SVOPL: variants seen among roughly 807,000 people sequenced by gnomAD.
The protein encoded by SVOPL is SVOP like.
Under a neutral mutation model 61.0 loss-of-function variants are expected in SVOPL, and 60 were observed. The observed-to-expected ratio is 0.98, with a 90% CI of 0.80 to 1.22. The LOEUF is 1.22. Among genes scored for constraint, SVOPL ranks in the 50% most tolerant of loss-of-function variants. The probability of loss-of-function intolerance (pLI) is 0.00; values close to 1 mark genes in which losing one functional copy is unlikely to be tolerated. For synonymous variants in SVOPL, 279 were observed against 250.0 expected (o/e 1.12, Z -1.09); for missense variants, 662 against 643.9 (o/e 1.03, Z -0.30).
At chr7:138,600,191 A>G (rs1385255541) in intron 14 of SVOPL, among the ~76,000 whole-genome samples, 1 of 152,240 alleles carries the variant, frequency 6.6e-6, no homozygotes, top group Non-Finnish European at 1.5e-5. Flanking sequence ...TTAAAAATTT[A>G]ATAAAATATG....
In SVOPL at chr7:138,622,596, C is replaced by A. The variant is rs1189802041; in HGVS notation, c.1264-1461G>T. Among the ~76,000 whole-genome samples, 6 of 152,272 alleles carry A rather than the reference C, an allele frequency of 3.9e-5. No individual in the cohort carries two copies. The East Asian group carries it at 1.2e-3, about 29-fold the overall frequency. On this transcript the variant is annotated intron_variant, in intron 13 of 15. Transcript: ENST00000674285. ...TGTGGGGATTACAGGCGTGAGCCAC[C>A]ATGCCCAGCCCTTTTTAACATTTTA...
intron 14 of SVOPL, among the ~76,000 whole-genome samples, chr7:138,615,280 G>A (rs1325718492): frequency 4.6e-5 from 7 of 152,080 alleles, no homozygotes; most frequent in Non-Finnish European, 8.8e-5. Context: ...TCACAAGGCT[G>A]GGCACGATGG....
At chr7:138,597,705 A>C (rs1256587663) in intron 14 of SVOPL, among the ~76,000 whole-genome samples, 2 of 151,590 alleles carry the variant, frequency 1.3e-5, no homozygotes, top group South Asian at 4.2e-4. Context: ...AGCTCAGAAA[A>C]GGGATAGAAA....
At chr7:138,616,215 G>C (rs1673225) in intron 14 of SVOPL, among the ~76,000 whole-genome samples, 88,044 of 152,124 alleles carry the variant, frequency 0.58, 27,311 homozygotes, top group East Asian at 0.99. Context: ...CCTGAACTAA[G>C]ACACCTAGCT....
At chr7:138,690,483 G>C (rs1326424464) in intron 1 of SVOPL, among the ~76,000 whole-genome samples, 2 of 152,182 alleles carry the variant, frequency 1.3e-5, no homozygotes, top group Non-Finnish European at 2.9e-5. Context: ...ATGGAGTTCT[G>C]ATACTTGCTG....
Position 138,679,036 on chromosome 7 carries a change from T to C in SVOPL, c.10A>G (p.Lys4Glu). 1 of 1,551,426 alleles carries C rather than the reference T, an allele frequency of 6.4e-7. No homozygotes were observed. The highest frequency in any genetic ancestry group is 8.7e-7 in the Non-Finnish European group (1 of 1,146,904). The change falls in exon 2 of 16, where the codon AAG becomes GAG. Residue 4 changes from lysine (K) to glutamate (E), a missense_variant. By Grantham distance (56) the Lys-to-Glu change is moderately conservative. Transcript: ENST00000674285. ...AGGATCGTGACAGGCTCTGTTGGCT[T>C]GGTTGCCATCTTCTAAATAGCTCAA... MAT[K>E]PTEPVTILSL... is the part of the protein sequence containing the mutation.
intron 6 of SVOPL, among the ~76,000 whole-genome samples, chr7:138,659,189 CA>C (rs1338770643): frequency 6.6e-6 from 1 of 152,086 alleles, no homozygotes; most frequent in African/African-American, 2.4e-5. Context: ...CAACCAATGC[CA>C]ATCAGAAAAT....
At chr7:138,670,698 A>G (rs2117106901) in intron 4 of SVOPL, among the ~76,000 whole-genome samples, 1 of 152,284 alleles carries the variant, frequency 6.6e-6, no homozygotes, top group South Asian at 2.1e-4. Context: ...TAGCCACTCT[A>G]TGTCTATTAA....
intron 14 of SVOPL, among the ~76,000 whole-genome samples, chr7:138,604,724 C>T (rs1170301807): frequency 3.1e-5 from 3 of 97,560 alleles, no homozygotes; most frequent in Non-Finnish European, 6.8e-5. Flanking sequence ...ATAATGGAAA[C>T]AATGAACTAT....
At chr7:138,662,979 G>A in intron 5 of SVOPL, 95 bp downstream of exon 5, 1 of 1,580,090 alleles carries the variant, frequency 6.3e-7, no homozygotes, top group Non-Finnish European at 8.6e-7. Context: ...TGGGTATTGG[G>A]AGGGAGATGC....
At chr7:138,629,153 G>GTGTGTGTGTGTGTA (rs10624737) in intron 10 of SVOPL, among the ~76,000 whole-genome samples, 1,579 of 147,352 alleles carry the variant, frequency 0.011, 10 homozygotes, top group Non-Finnish European at 0.014. Context: ...GTGTGTGTGT[G>GTGTGTGTGTGTGTA]TATATATGTA....
chr7:138,644,838 G>A lies in SVOPL; in HGVS notation c.668C>T (p.Pro223Leu). Residue 223 changes from proline (P) to leucine (L), a missense_variant, in exon 9 of 16, where the codon CCT becomes CTT. Physicochemically the swap from Pro to Leu is moderately conservative, Grantham distance 98 (BLOSUM62 -3). Transcript: ENST00000674285. Reference protein sequence around the residue: ...IILIVAFKFIPESARFNVSTG... With the variant: ...IILIVAFKFILESARFNVSTG... The stretch of plus-strand genomic sequence containing the variant: ...GGAGACATTGAACCGGGCAGATTCA[G>A]GAATAAACTGGGTAGAGATTACAAA... 2 of 1,614,140 alleles carry A rather than the reference G, an allele frequency of 1.2e-6. No individual in the cohort carries two copies. The highest frequency in any genetic ancestry group is 1.1e-5 in the South Asian group (1 of 91,084).
At chr7:138,612,963 C>T (rs1399036023) in intron 14 of SVOPL, among the ~76,000 whole-genome samples, 1 of 152,196 alleles carries the variant, frequency 6.6e-6, no homozygotes, top group South Asian at 2.1e-4. Context: ...TATAAGCTTA[C>T]TCTACCCTTT....
Position 138,659,844 on chromosome 7 carries a change from C to T in SVOPL, c.470+20G>A. ...GGGGTACACGTTTCTGTCTCAGGGT[C>T]CCCTGGGTAACATATTTACCCTTGC... On this transcript the variant is annotated intron_variant, in intron 6 of 15. Coordinates refer to ENST00000674285, the MANE Select transcript of SVOPL (RefSeq NM_001139456.2). The T allele has an allele frequency of 1.3e-6, 2 of 1,550,782 alleles. No homozygotes were observed. The highest frequency in any genetic ancestry group is 1.7e-6 in the Non-Finnish European group (2 of 1,146,548).
At chr7:138,656,392 T>G (rs1034638905) in intron 7 of SVOPL, 56 bp downstream of exon 7, 4 of 1,552,824 alleles carry the variant, frequency 2.6e-6, no homozygotes, top group Admixed American at 1.7e-5. Context: ...TATGCCTATA[T>G]GTACATCTTA....
chr7:138,603,944 C>T lies in SVOPL; in HGVS notation c.1354-7414G>A, dbSNP rs886117059. Reference sequence around the variant, plus strand: ...ACAAAATTATTTCTGTCTCAAAAACCTTAATTTATTCTTTTTTTTTTTTTT... The same window carrying T: ...ACAAAATTATTTCTGTCTCAAAAACTTTAATTTATTCTTTTTTTTTTTTTT... On this transcript the variant is annotated intron_variant, in intron 14 of 15. Coordinates refer to ENST00000674285, the MANE Select transcript of SVOPL (RefSeq NM_001139456.2). Among the ~76,000 whole-genome samples, 4 of 149,262 alleles carry T rather than the reference C, an allele frequency of 2.7e-5. No individual in the cohort carries two copies. In the South Asian group the frequency reaches 8.5e-4, roughly 32 times the overall value.
chr7:138,649,325 ACT>A (rs575103016), intron 7 of SVOPL, among the ~76,000 whole-genome samples, 188 bp from the exon 8 acceptor site: 2 of 151,952 alleles, frequency 1.3e-5, no homozygotes, highest in South Asian at 4.2e-4. Flanking sequence ...GACAGGGTCC[ACT>A]CTCTCACCCA....
chr7:138,607,515 G>T (rs997991293), intron 14 of SVOPL, among the ~76,000 whole-genome samples: 4 of 152,176 alleles, frequency 2.6e-5, no homozygotes, highest in Non-Finnish European at 5.9e-5. Flanking sequence ...ACGGCCAGCA[G>T]TCCTTAACGC....
intron 12 of SVOPL, 124 bp from the exon 13 acceptor site, chr7:138,626,174 G>T: frequency 1.1e-6 from 1 of 910,918 alleles, no homozygotes; most frequent in Non-Finnish European, 1.7e-6. Flanking sequence ...CCCGAGGGAG[G>T]TGCTGCTTCT....
Sources: gnomAD v4.1 joint callset for allele counts (sites outside exome capture counted in the v4.1 genomes callset) on GRCh38, gnomAD v4.1.1 for gene constraint, MANE v1.5 for transcripts, NCBI Gene and HGNC (gene_info 2026-07-23, HGNC 2026-07-21) for gene names.